ADHFE1: variants seen among roughly 807,000 people sequenced by gnomAD.
ADHFE1 encodes the protein alcohol dehydrogenase iron containing 1.
ADHFE1 carries 37 observed loss-of-function variants against 54.8 expected under a neutral mutation model. That is an observed-to-expected ratio of 0.68 (90% CI 0.52 to 0.89). The LOEUF (loss-of-function observed/expected upper bound fraction) is 0.89. Among genes scored for constraint, ADHFE1 ranks in the 40% least tolerant of loss-of-function variants. The pLI, the probability that ADHFE1 is intolerant of heterozygous loss-of-function variation, is 0.00. For synonymous variants in ADHFE1, 203 were observed against 229.3 expected (o/e 0.89, Z 1.04); for missense variants, 601 against 591.2 (o/e 1.02, Z -0.17).
chr8:66,433,913 ACAC>A (rs759638051), intron 1 of ADHFE1, among the ~76,000 whole-genome samples: 8 of 152,226 alleles, frequency 5.3e-5, no homozygotes, highest in Non-Finnish European at 8.8e-5. Context: ...TTGTCACACA[ACAC>A]CATTTATATC....
chr8:66,460,733 A>G (rs1267989253), intron 13 of ADHFE1, among the ~76,000 whole-genome samples: 1 of 152,242 alleles, frequency 6.6e-6, no homozygotes, highest in Non-Finnish European at 1.5e-5. Flanking sequence ...ATTCAAGGCA[A>G]AAACAACCAA....
rs1362540090 is a variant in ADHFE1, at chr8:66,468,801, T to A, written c.*449T>A. Reference sequence around the variant, plus strand: ...CAGCACTTTTCTAATAATAAAAGATTTGAAACAACCTTAAGTATTCATTAT... The same window carrying A: ...CAGCACTTTTCTAATAATAAAAGATATGAAACAACCTTAAGTATTCATTAT... On this transcript the variant is annotated 3_prime_UTR_variant, in exon 14 of 14. Transcript: ENST00000396623. 6.5e-6 allele frequency: 1 copy of A among 154,014 alleles called. No individual in the cohort carries two copies. Among genetic ancestry groups the A allele is most frequent in the African/African-American group, 2.4e-5 (1 of 41,444 alleles). The allele number at this position is 154,014 out of a possible 1,614,324, so 9.5% of individuals were successfully genotyped here. A position where few individuals can be genotyped will look rare whatever the true frequency, so the allele number is the denominator to read the frequency against.
At chr8:66,441,102 C>T (rs928074470) in intron 2 of ADHFE1, among the ~76,000 whole-genome samples, 1 of 152,150 alleles carries the variant, frequency 6.6e-6, no homozygotes, top group African/African-American at 2.4e-5. Flanking sequence ...CTGATTTTCT[C>T]GAATTCTTAG....
intron 13 of ADHFE1, among the ~76,000 whole-genome samples, chr8:66,460,920 A>G (rs999402938): frequency 6.6e-6 from 1 of 152,224 alleles, no homozygotes; most frequent in Admixed American, 6.5e-5. Context: ...AATTAACACT[A>G]TCACCAAATT....
chr8:66,459,976 A>G (rs781182426), intron 12 of ADHFE1: 6 of 247,724 alleles, frequency 2.4e-5, no homozygotes, highest in Admixed American at 1.5e-4. Flanking sequence ...TTGAAATTAC[A>G]TAAGCTGTGT....
At chr8:66,460,546 G>A (rs1200523169) in intron 13 of ADHFE1, 81 bp downstream of exon 13, 3 of 1,486,864 alleles carry the variant, frequency 2.0e-6, no homozygotes, top group Non-Finnish European at 2.7e-6. Flanking sequence ...TGGCGGGCTA[G>A]CAGGGATGGA....
intron 12 of ADHFE1, among the ~76,000 whole-genome samples, chr8:66,457,479 C>CAAA (rs34484813): frequency 4.6e-5 from 6 of 130,308 alleles, no homozygotes; most frequent in African/African-American, 1.7e-4. Context: ...CTCTCTCTCT[C>CAAA]AAAAAAAAAA....
intron 1 of ADHFE1, among the ~76,000 whole-genome samples, chr8:66,433,267 G>A (rs1430589532): frequency 1.3e-5 from 2 of 151,272 alleles, no homozygotes; most frequent in Admixed American, 6.6e-5. Context: ...GAGGAAAGGC[G>A]AGGGACTGGC....
rs1201445341 is a variant in ADHFE1 at position 66,447,480 on chromosome 8, G to A, written c.628+139G>A. ...TCTATAGAAGAGCAAGGTGACGAAA[G>A]TCAGCAACAAAGTATTGTATATTTC... On this transcript the variant is annotated intron_variant, in intron 7 of 13. Coordinates refer to ENST00000396623, the MANE Select transcript of ADHFE1 (RefSeq NM_144650.3). The A allele has an allele frequency of 4.3e-6, 3 of 698,156 alleles. No homozygotes were observed. The African/African-American group carries it at 5.4e-5, about 13-fold the overall frequency. 43.2% of individuals were successfully genotyped at this position (698,156 alleles called of 1,614,324 possible).
chr8:66,439,103 G>C lies in ADHFE1; in HGVS notation c.60-1059G>C. ...TCGGGAACCACTAGATGGCAGCCGCGACTCGCGCCAGCTCTCACTCGCCCC... is the reference window on the plus strand; with the variant it reads ...TCGGGAACCACTAGATGGCAGCCGCCACTCGCGCCAGCTCTCACTCGCCCC... On this transcript the variant is annotated intron_variant, in intron 1 of 13. Transcript: ENST00000396623. This position sits in a 1 kb window ranked among gnomAD's most constrained non-coding sequence, Gnocchi z 4.4. 1 of 838,450 alleles carries C rather than the reference G, an allele frequency of 1.2e-6. No homozygotes were observed. The highest frequency in any genetic ancestry group is 6.0e-4 in the Middle Eastern group (1 of 1,656). 51.9% of individuals were successfully genotyped at this position (838,450 alleles called of 1,614,324 possible). A position where few individuals can be genotyped will look rare whatever the true frequency, so the allele number is the denominator to read the frequency against.
Position 66,451,970 on chromosome 8 carries a change from A to G in ADHFE1, c.752A>G (p.Tyr251Cys), listed in dbSNP as rs780608528. The G allele has an allele frequency of 1.6e-5, 26 of 1,613,952 alleles. 1 individual carries two copies. The African/African-American group carries it at 3.5e-4, about 22-fold the overall frequency. The change falls in exon 9 of 14, where the codon TAC (tyrosine) becomes TGC (cysteine). Residue 251 changes from tyrosine to cysteine, a missense_variant. Physicochemically the swap from Tyr to Cys is radical, Grantham distance 194 (BLOSUM62 -2). Coordinates refer to ENST00000396623, the MANE Select transcript of ADHFE1 (RefSeq NM_144650.3). ...CTTTTTAGCCATGCCCTGGAGTCAT[A>G]CACCACCCTGCCCTACCACCTGCGG... ...FDVLCHALES[Y>C]TTLPYHLRSP...
At chr8:66,435,334 G>A (rs914453783) in intron 1 of ADHFE1, among the ~76,000 whole-genome samples, 1 of 152,146 alleles carries the variant, frequency 6.6e-6, no homozygotes, top group African/African-American at 2.4e-5. Flanking sequence ...TGAAGCCAAG[G>A]TGTGAGCAGG....
At chr8:66,454,910 G>A (rs575486531) in intron 10 of ADHFE1, among the ~76,000 whole-genome samples, 1 of 151,732 alleles carries the variant, frequency 6.6e-6, no homozygotes, top group African/African-American at 2.4e-5. Flanking sequence ...TAGAGACGGG[G>A]TTTCACCATG....
At position 66,457,105 on chromosome 8, in the gene ADHFE1, G is replaced by A. The variant is rs778496623; in HGVS notation, c.1101G>A (p.Ala367=). 46 of 1,613,722 alleles carry A rather than the reference G, an allele frequency of 2.9e-5. No homozygotes were observed. Among genetic ancestry groups the A allele is most frequent in the African/African-American group, 6.7e-5 (5 of 74,872 alleles). Residue 367 remains alanine (A), a synonymous_variant, in exon 12 of 14, where the codon GCG becomes GCA. Coordinates refer to ENST00000396623, the MANE Select transcript of ADHFE1 (RefSeq NM_144650.3). The part of the protein sequence containing the change: ...HGLSVVLTSP[A]VFTFTAQMFP... Reference sequence around the variant, plus strand: ...TTTCTGTGGTGCTCACGTCCCCAGCGGTGTTCACTTTCACGGCCCAGATGT... The same window carrying A: ...TTTCTGTGGTGCTCACGTCCCCAGCAGTGTTCACTTTCACGGCCCAGATGT...
intron 1 of ADHFE1, among the ~76,000 whole-genome samples, chr8:66,433,848 A>T (rs1223520152): frequency 6.6e-6 from 1 of 152,268 alleles, no homozygotes; most frequent in Non-Finnish European, 1.5e-5. Context: ...GCTACAAAAA[A>T]TACTAAAGCT....
intron 12 of ADHFE1, among the ~76,000 whole-genome samples, chr8:66,457,594 G>T (rs984630922): frequency 1.3e-5 from 2 of 151,220 alleles, no homozygotes; most frequent in African/African-American, 2.4e-5. Flanking sequence ...GGAGGCTGAG[G>T]TGGGAGGATA....
In ADHFE1 at chr8:66,444,766, T is replaced by C; in HGVS notation, c.353+18T>C. On this transcript the variant is annotated intron_variant, in intron 5 of 13. Transcript: ENST00000396623. ...GATTCAAGGTATTCTTGTATTGTTG[T>C]TATTGTTTCTTTACTTTAAGCAGAA... 1 of 1,613,070 alleles carries C rather than the reference T, an allele frequency of 6.2e-7. No individual in the cohort carries two copies. Among genetic ancestry groups the C allele is most frequent in the Non-Finnish European group, 8.5e-7 (1 of 1,179,550 alleles).
chr8:66,445,175 C>T (rs1000672780), intron 5 of ADHFE1, 43 bp from the exon 6 acceptor site: 3 of 1,524,608 alleles, frequency 2.0e-6, no homozygotes, highest in Non-Finnish European at 2.6e-6. Context: ...CAATTTATTT[C>T]TGAAAAATAT....
chr8:66,443,264 ATTTTTTTT>A (rs540464621), intron 3 of ADHFE1, among the ~76,000 whole-genome samples: 6 of 86,104 alleles, frequency 7.0e-5, no homozygotes, highest in African/African-American at 1.7e-4. Context: ...TAGTCCAGGA[ATTTTTTTT>A]TTTTTTTTTT....
Sources: allele counts gnomAD v4.1 joint callset (sites outside exome capture counted in the v4.1 genomes callset), GRCh38; gene constraint gnomAD v4.1.1; non-coding constraint Gnocchi (gnomAD v3.1); transcripts MANE v1.5; gene names NCBI Gene and HGNC (gene_info 2026-07-23, HGNC 2026-07-21).